RNPEP: variants seen among roughly 807,000 people sequenced by gnomAD.
RNPEP encodes aminopeptidase B.
A neutral mutation model predicts 70.1 loss-of-function variants in RNPEP; 57 were observed. The ratio of observed to expected loss-of-function variants is 0.81; its 90% CI spans 0.66 to 1.01. The LOEUF (loss-of-function observed/expected upper bound fraction) is 1.01, where lower values mean the gene tolerates loss of function less well. Among genes scored for constraint, RNPEP ranks in the 50% least tolerant of loss-of-function variants. RNPEP has a pLI of 0.00. For synonymous variants in RNPEP, 335 were observed against 357.4 expected (o/e 0.94, Z 0.71); for missense variants, 787 against 852.4 (o/e 0.92, Z 0.96).
chr1:201,990,628 C>CTGGGCTCAG (rs1351270629), intron 3 of RNPEP, among the ~76,000 whole-genome samples: 2 of 151,076 alleles, frequency 1.3e-5, no homozygotes, highest in African/African-American at 4.9e-5. Flanking sequence ...GACTTCATAA[C>CTGGGCTCAG]TGGGCTCAGT....
In RNPEP at chr1:202,005,916, G is replaced by T; in HGVS notation, c.*200G>T. 1 of 621,856 alleles carries T rather than the reference G, an allele frequency of 1.6e-6. No individual in the cohort carries two copies. The highest frequency in any genetic ancestry group is 2.2e-5 in the South Asian group (1 of 46,332). 38.5% of individuals were successfully genotyped at this position (621,856 alleles called of 1,614,324 possible). On this transcript the variant is annotated 3_prime_UTR_variant, in exon 11 of 11. Coordinates refer to ENST00000295640, the MANE Select transcript of RNPEP (RefSeq NM_020216.4). ...TTCTCTATAGCCCACTGAGCCCCGAGACAGAGAACCTGCCCACAGCTCTCC... is the reference window on the plus strand; with the variant it reads ...TTCTCTATAGCCCACTGAGCCCCGATACAGAGAACCTGCCCACAGCTCTCC...
At chr1:202,002,688 G>A (rs1341025833) in intron 8 of RNPEP, among the ~76,000 whole-genome samples, 2 of 152,204 alleles carry the variant, frequency 1.3e-5, no homozygotes, top group African/African-American at 4.8e-5. Flanking sequence ...GGGGACTCCG[G>A]AGCTAATGGT....
rs536715385 is a variant in RNPEP at position 201,983,005 on chromosome 1, G to C, written c.339G>C (p.Gln113His). Residue 113 changes from glutamine to histidine, a missense_variant, in exon 1 of 11, where the codon CAG becomes CAC. Physicochemically the swap from Gln to His is conservative, Grantham distance 24 (BLOSUM62 0). Coordinates refer to ENST00000295640, the MANE Select transcript of RNPEP (RefSeq NM_020216.4). ...PPAEPVSFYT[Q>H]PFSHYGQALC... ...CGGAGCCCGTGAGCTTCTACACGCA[G>C]CCCTTCTCGCACTATGGCCAGGCCC... 5.8e-5 allele frequency: 89 copies of C among 1,523,150 alleles called. No homozygotes were observed. In the African/African-American group the frequency reaches 1.2e-3, roughly 21 times the overall value. The allele number at this position is 1,523,150 out of a possible 1,614,324, so 94.4% of individuals were successfully genotyped here.
In RNPEP at chr1:201,982,822, C is replaced by A; in HGVS notation, c.156C>A (p.Pro52=). 3.7e-6 allele frequency: 5 copies of A among 1,333,566 alleles called. No homozygotes were observed. Among genetic ancestry groups the A allele is most frequent in the Non-Finnish European group, 4.8e-6 (5 of 1,042,172 alleles). 82.6% of individuals were successfully genotyped at this position (1,333,566 alleles called of 1,614,324 possible). ...GGGCTGAGTTCGGGCCTCCAGGGCCCGGCGCAGGGAGCCGGGGGCTGAGCG... is the reference window on the plus strand; with the variant it reads ...GGGCTGAGTTCGGGCCTCCAGGGCCAGGCGCAGGGAGCCGGGGGCTGAGCG... The part of the protein sequence containing the change: ...DLRAEFGPPG[P]GAGSRGLSGT... The change falls in exon 1 of 11, where the codon CCC becomes CCA. Residue 52 remains proline, a synonymous_variant. Coordinates refer to ENST00000295640, the MANE Select transcript of RNPEP (RefSeq NM_020216.4).
At chr1:201,995,817 G>T (rs1341731723) in intron 3 of RNPEP, 1 of 252,266 alleles carries the variant, frequency 4.0e-6, no homozygotes, top group African/African-American at 2.2e-5. Context: ...GCTTTTGTGT[G>T]TTGTCTTATT....
At chr1:201,992,284 C>G (rs11582252) in intron 3 of RNPEP, among the ~76,000 whole-genome samples, 1 of 151,920 alleles carries the variant, frequency 6.6e-6, no homozygotes. Flanking sequence ...CCTCCCACCT[C>G]GGCCTCCCAA....
intron 10 of RNPEP, among the ~76,000 whole-genome samples, 187 bp downstream of exon 10, chr1:202,004,683 AGAG>A: frequency 6.6e-6 from 1 of 152,356 alleles, no homozygotes; most frequent in Non-Finnish European, 1.5e-5. Flanking sequence ...CCTAGGGACA[AGAG>A]GAGGCCTGCA....
At chr1:202,000,107 T>C in intron 6 of RNPEP, 92 bp downstream of exon 6, 1 of 895,674 alleles carries the variant, frequency 1.1e-6, no homozygotes, top group Non-Finnish European at 1.8e-6. Flanking sequence ...AGTGCACGCT[T>C]AGAATACTTT....
In RNPEP at chr1:201,997,438, A is replaced by G. The variant is rs1227783070; in HGVS notation, c.974A>G (p.His325Arg). Residue 325 changes from histidine (H) to arginine (R), a missense_variant, in exon 5 of 11, where the codon CAT becomes CGT. Coordinates refer to ENST00000295640, the MANE Select transcript of RNPEP (RefSeq NM_020216.4). ...GDRSLADVII[H>R]EISHSWFGNL... The stretch of plus-strand genomic sequence containing the variant: ...CGCTCCTTGGCAGATGTCATCATCC[A>G]TGAGATCTCCCACAGTTGGTTTGGG... 6.2e-7 allele frequency: 1 copy of G among 1,614,122 alleles called. No homozygotes were observed. The highest frequency in any genetic ancestry group is 1.7e-5 in the Admixed American group (1 of 60,020).
chr1:202,005,490 G>A (rs1684020224), intron 10 of RNPEP, 68 bp from the exon 11 acceptor site: 10 of 1,566,668 alleles, frequency 6.4e-6, no homozygotes, highest in Non-Finnish European at 7.9e-6. Context: ...GACTGGCACT[G>A]GGGGCAGCAG....
At chr1:201,987,823 G>GT (rs1683186791) in intron 1 of RNPEP, among the ~76,000 whole-genome samples, 1 of 151,584 alleles carries the variant, frequency 6.6e-6, no homozygotes, top group Admixed American at 6.6e-5. Context: ...CCTTTCTTCT[G>GT]AAAAGGTAAA....
chr1:201,996,545 G>A, intron 4 of RNPEP: 1 of 317,964 alleles, frequency 3.1e-6, no homozygotes, highest in Non-Finnish European at 5.9e-6. Context: ...CCAGGCTGGA[G>A]GGCAGTGGCG....
At position 202,005,707 on chromosome 1, in the gene RNPEP, G is replaced by C; in HGVS notation, c.1944G>C (p.Lys648Asn). 6.2e-7 allele frequency: 1 copy of C among 1,614,228 alleles called. No individual in the cohort carries two copies. The highest frequency in any genetic ancestry group is 8.5e-7 in the Non-Finnish European group (1 of 1,180,024). The change falls in exon 11 of 11, where the codon AAG becomes AAC. Residue 648 changes from lysine (K) to asparagine (N), a missense_variant. By Grantham distance (94) the Lys-to-Asn change is moderately conservative. Transcript: ENST00000295640. ...VNYVQQIVAP[K>N]GS The stretch of plus-strand genomic sequence containing the variant: ...ATGTCCAGCAGATCGTGGCACCCAA[G>C]GGCAGTTAGAGGCTCGTGTGCATGG...
chr1:201,982,977 C>T lies in RNPEP; in HGVS notation c.311C>T (p.Pro104Leu). 1.3e-6 allele frequency: 2 copies of T among 1,510,958 alleles called. No individual in the cohort carries two copies. The highest frequency in any genetic ancestry group is 1.8e-6 in the Non-Finnish European group (2 of 1,132,290). The allele number at this position is 1,510,958 out of a possible 1,614,324, so 93.6% of individuals were successfully genotyped here. ...GAGCGGCCCGGCTCGGAGGAGCCGC[C>T]TGCGGAGCCCGTGAGCTTCTACACG... Reference protein sequence around the residue: ...RRERPGSEEPPAEPVSFYTQP... With the variant: ...RRERPGSEEPLAEPVSFYTQP... The change falls in exon 1 of 11, where the codon CCT becomes CTT. Residue 104 changes from proline to leucine, a missense_variant. Coordinates refer to ENST00000295640, the MANE Select transcript of RNPEP (RefSeq NM_020216.4).
chr1:201,999,794 CTGT>C (rs1683714247), intron 5 of RNPEP, 105 bp from the exon 6 acceptor site: 8 of 798,322 alleles, frequency 1.0e-5, no homozygotes, highest in Non-Finnish European at 1.6e-5. Context: ...GTATCTGTCG[CTGT>C]TCTTCTTGAG....
At position 201,984,821 on chromosome 1, in the gene RNPEP, C is replaced by CTTTTTTCTTTTTCTTTT. The variant is rs1558257963; in HGVS notation, c.447+1714_447+1715insCTTTTTCTTTTTTTTTT. 2.7e-4 allele frequency among the ~76,000 whole-genome samples: 33 copies of CTTTTTTCTTTTTCTTTT among 121,996 alleles called. 3 individuals carry two copies. The highest frequency in any genetic ancestry group is 4.2e-4 in the African/African-American group (13 of 30,902). The allele number at this position is 121,996 out of a possible 152,430, so 80.0% of individuals were successfully genotyped here. A position where few individuals can be genotyped will look rare whatever the true frequency, so the allele number is the denominator to read the frequency against. Reference sequence around the variant, plus strand: ...TTACTGCTAACTTTTGTATTTCTTTCTTTTTTTTTTTTTTTTTTTTTTTTT... The same window carrying CTTTTTTCTTTTTCTTTT: ...TTACTGCTAACTTTTGTATTTCTTTCTTTTTTCTTTTTCTTTTTTTTTTTTTTTTTTTTTTTTTTTTT... On this transcript the variant is annotated intron_variant, in intron 1 of 10. Transcript: ENST00000295640.
chr1:202,003,464 A>T lies in RNPEP; in HGVS notation c.1651+3A>T. On this transcript the variant is annotated splice_donor_region_variant and intron_variant, in intron 9 of 10. Transcript: ENST00000295640. ...CCAGAAATCCCCTCTCCCTCCTGGT[A>T]AGAAAAAATGGTGAACCAGGGCTCC... 1 of 1,603,660 alleles carries T rather than the reference A, an allele frequency of 6.2e-7. No homozygotes were observed. The highest frequency in any genetic ancestry group is 8.5e-7 in the Non-Finnish European group (1 of 1,171,458).
intron 3 of RNPEP, among the ~76,000 whole-genome samples, chr1:201,993,460 G>A (rs1426960112): frequency 6.6e-6 from 1 of 152,130 alleles, no homozygotes; most frequent in Non-Finnish European, 1.5e-5. Flanking sequence ...AGCCGGACAT[G>A]GTGGTGCACA....
intron 3 of RNPEP, 140 bp from the exon 4 acceptor site, chr1:201,996,007 G>A (rs1243358183): frequency 1.1e-5 from 7 of 645,408 alleles, no homozygotes; most frequent in Admixed American, 2.8e-5. Context: ...GTGGTGATCC[G>A]ATCTTGCACT....
Sources: allele counts gnomAD v4.1 joint callset (sites outside exome capture counted in the v4.1 genomes callset), GRCh38; gene constraint gnomAD v4.1.1; transcripts MANE v1.5; gene names NCBI Gene and HGNC (gene_info 2026-07-23, HGNC 2026-07-21).